The following ANAPC4 variants were observed in gnomAD, a reference collection of about 807,000 sequenced individuals.
The protein encoded by ANAPC4 is anaphase-promoting complex subunit 4.
ANAPC4 carries 63 observed loss-of-function variants against 119.8 expected under a neutral mutation model. The ratio of observed to expected loss-of-function variants is 0.53; its 90% CI spans 0.43 to 0.65. The LOEUF (loss-of-function observed/expected upper bound fraction) is 0.65, where lower values mean the gene tolerates loss of function less well. Among genes scored for constraint, ANAPC4 ranks in the 30% least tolerant of loss-of-function variants. ANAPC4 has a pLI of 0.00. For synonymous variants in ANAPC4, 283 were observed against 318.6 expected (o/e 0.89, Z 1.19); for missense variants, 716 against 945.1 (o/e 0.76, Z 3.18).
chr4:25,387,219 G>A (rs1031265343), intron 4 of ANAPC4, among the ~76,000 whole-genome samples: 1 of 152,130 alleles, frequency 6.6e-6, no homozygotes, highest in Non-Finnish European at 1.5e-5. Flanking sequence ...GAAGAAGGCC[G>A]GAGGAATCAG....
intron 2 of ANAPC4, 146 bp downstream of exon 2, chr4:25,377,702 T>G: frequency 8.3e-7 from 1 of 1,205,874 alleles, no homozygotes; most frequent in Non-Finnish European, 1.1e-6. Context: ...CTGCTACCCC[T>G]TCCCTGCCTC....
intron 28 of ANAPC4, 50 bp downstream of exon 28, chr4:25,417,789 T>C: frequency 6.4e-7 from 1 of 1,563,854 alleles, no homozygotes; most frequent in Non-Finnish European, 8.6e-7. Flanking sequence ...AGAAGTAACG[T>C]TGCTTCTTTG....
intron 4 of ANAPC4, among the ~76,000 whole-genome samples, chr4:25,388,280 T>C (rs752192718): frequency 2.7e-5 from 4 of 148,188 alleles, no homozygotes; most frequent in Non-Finnish European, 4.5e-5. Flanking sequence ...ATGTAACGTG[T>C]GCAGGCTGAT....
rs901633370 is a variant in ANAPC4, at chr4:25,407,194, C to G, written c.1375-3C>G. The G allele has an allele frequency of 6.3e-7, 1 of 1,596,942 alleles. No individual in the cohort carries two copies. The highest frequency in any genetic ancestry group is 1.4e-5 in the African/African-American group (1 of 73,632). On this transcript the variant is annotated splice_region_variant and splice_polypyrimidine_tract_variant and intron_variant, in intron 19 of 28. Coordinates refer to ENST00000315368, the MANE Select transcript of ANAPC4 (RefSeq NM_013367.3). ...GAATTAAACTATGTTTATTTTTTTC[C>G]AGGCTCCAGACCTTTATAATCGAAA... is the stretch of plus-strand genomic sequence containing the variant.
intron 4 of ANAPC4, among the ~76,000 whole-genome samples, chr4:25,385,315 T>C (rs1386049214): frequency 6.6e-6 from 1 of 152,244 alleles, no homozygotes; most frequent in Non-Finnish European, 1.5e-5. Flanking sequence ...ATATATGTTT[T>C]AATAAATAAA....
At chr4:25,406,754 A>G in intron 18 of ANAPC4, 75 bp from the exon 19 acceptor site, 1 of 1,115,666 alleles carries the variant, frequency 9.0e-7, no homozygotes, top group South Asian at 1.5e-5. Context: ...TGTCACATTT[A>G]TAATTATGTA....
chr4:25,396,204 T>A (rs1722640880), intron 14 of ANAPC4, among the ~76,000 whole-genome samples: 1 of 152,160 alleles, frequency 6.6e-6, no homozygotes, highest in Non-Finnish European at 1.5e-5. Context: ...TTATAGTAGT[T>A]GGAATGGTAC....
rs190580543 is a variant in ANAPC4 at position 25,380,759 on chromosome 4, G to T, written c.235+280G>T. On this transcript the variant is annotated intron_variant, in intron 3 of 28. Coordinates refer to ENST00000315368, the MANE Select transcript of ANAPC4 (RefSeq NM_013367.3). Reference sequence around the variant, plus strand: ...GGAATATACAAAATGTTTTGGTTTTGTTCTTTCCACTGTCATCTTGTCCTG... The same window carrying T: ...GGAATATACAAAATGTTTTGGTTTTTTTCTTTCCACTGTCATCTTGTCCTG... Among the ~76,000 whole-genome samples the T allele has an allele frequency of 1.3e-4, 20 of 152,278 alleles. 1 individual carries two copies. The highest frequency in any genetic ancestry group is 1.2e-3 in the Admixed American group (19 of 15,300).
chr4:25,382,792 C>T (rs1245184052), intron 3 of ANAPC4, among the ~76,000 whole-genome samples: 3 of 152,148 alleles, frequency 2.0e-5, no homozygotes, highest in Non-Finnish European at 4.4e-5. Context: ...TTCAGCCACA[C>T]TCAAAGGAAG....
At chr4:25,398,358 C>T (rs115362029) in intron 16 of ANAPC4, among the ~76,000 whole-genome samples, 7,425 of 152,114 alleles carry the variant, frequency 0.049, 373 homozygotes, top group African/African-American at 0.13. Flanking sequence ...GTCAGGGAGG[C>T]CTCACTGAGA....
At position 25,397,039 on chromosome 4, in the gene ANAPC4, A is replaced by G. The variant is rs563995171; in HGVS notation, c.1214+140A>G. ...CAATTATGCCTTTATATGGTTCCGA[A>G]AAGCCAGCAGCACAGAGAATTTATA... is the stretch of plus-strand genomic sequence containing the variant. On this transcript the variant is annotated intron_variant, in intron 16 of 28. Transcript: ENST00000315368. 13 of 806,960 alleles carry G rather than the reference A, an allele frequency of 1.6e-5. No homozygotes were observed. In the African/African-American group the frequency reaches 2.1e-4, roughly 13 times the overall value. The allele number at this position is 806,960 out of a possible 1,614,324, so 50.0% of individuals were successfully genotyped here. A position where few individuals can be genotyped will look rare whatever the true frequency, so the allele number is the denominator to read the frequency against.
chr4:25,404,776 A>G (rs113793364), intron 17 of ANAPC4, among the ~76,000 whole-genome samples: 3 of 152,186 alleles, frequency 2.0e-5, no homozygotes, highest in Admixed American at 1.3e-4. Flanking sequence ...GTAAAATGTA[A>G]TCTCCATGAA....
intron 25 of ANAPC4, chr4:25,415,212 C>A: frequency 2.8e-6 from 1 of 351,784 alleles, no homozygotes; most frequent in Non-Finnish European, 5.1e-6. Context: ...GGTTTTAAAC[C>A]TGAATTTGAA....
intron 21 of ANAPC4, among the ~76,000 whole-genome samples, chr4:25,411,564 G>C (rs533106859): frequency 6.6e-6 from 1 of 152,150 alleles, no homozygotes; most frequent in Non-Finnish European, 1.5e-5. Context: ...GGTAAAAGTT[G>C]GTGCTCTGAA....
At chr4:25,406,808 T>G (rs1560444095) in intron 18 of ANAPC4, 21 bp from the exon 19 acceptor site, 1 of 1,573,232 alleles carries the variant, frequency 6.4e-7, no homozygotes, top group Non-Finnish European at 8.6e-7. Context: ...TGATTTTTCT[T>G]TTTGTTCCTT....
intron 15 of ANAPC4, 31 bp from the exon 16 acceptor site, chr4:25,396,817 C>T: frequency 6.2e-7 from 1 of 1,608,756 alleles, no homozygotes; most frequent in Non-Finnish European, 8.5e-7. Context: ...ACTTATTTGA[C>T]AAATGACGTT....
chr4:25,394,287 A>ATT, intron 11 of ANAPC4, 23 bp from the exon 12 acceptor site: 1 of 1,545,272 alleles, frequency 6.5e-7, no homozygotes, highest in South Asian at 1.2e-5. Flanking sequence ...ATATATCACA[A>ATT]TTTTTTTTTC....
chr4:25,394,417 T>A, intron 12 of ANAPC4, 43 bp downstream of exon 12: 1 of 1,483,546 alleles, frequency 6.7e-7, no homozygotes, highest in Non-Finnish European at 9.1e-7. Flanking sequence ...GCTTCTTTTT[T>A]AACAGTAATT....
chr4:25,387,455 G>A (rs1011603989), intron 4 of ANAPC4, among the ~76,000 whole-genome samples: 4 of 152,192 alleles, frequency 2.6e-5, no homozygotes, highest in Non-Finnish European at 5.9e-5. Flanking sequence ...AAACCAGAGT[G>A]ATAAATCCAT....
Sources: allele counts gnomAD v4.1 joint callset (sites outside exome capture counted in the v4.1 genomes callset), GRCh38; gene constraint gnomAD v4.1.1; transcripts MANE v1.5; gene names NCBI Gene and HGNC (gene_info 2026-07-23, HGNC 2026-07-21).